GRID2: variants seen among roughly 807,000 people sequenced by gnomAD.
GRID2 encodes the protein glutamate ionotropic receptor delta type subunit 2.
A neutral mutation model predicts 114.8 loss-of-function variants in GRID2; 33 were observed. The observed-to-expected ratio is 0.29, with a 90% confidence interval of 0.22 to 0.38. The LOEUF (loss-of-function observed/expected upper bound fraction) is 0.38, where lower values mean the gene tolerates loss of function less well. GRID2 is among the 10% of genes least tolerant of loss of function. The pLI, the probability that GRID2 is intolerant of heterozygous loss-of-function variation, is 1.00. For synonymous variants in GRID2, 505 were observed against 449.9 expected (o/e 1.12, Z -1.55); for missense variants, 1,184 against 1,257.7 (o/e 0.94, Z 0.89).
chr4:92,957,854 A>G (rs568022852), intron 2 of GRID2, among the ~76,000 whole-genome samples: 11 of 152,092 alleles, frequency 7.2e-5, no homozygotes, highest in African/African-American at 2.6e-4. Context: ...TTTTCCTCAT[A>G]TAGATTCTGT....
chr4:92,868,620 C>T (rs1745067122), intron 2 of GRID2, among the ~76,000 whole-genome samples: 1 of 151,904 alleles, frequency 6.6e-6, no homozygotes, highest in Non-Finnish European at 1.5e-5. Context: ...TAAATTGTGC[C>T]ATCTTTATAG....
At chr4:92,581,103 A>G (rs1474184655) in intron 1 of GRID2, among the ~76,000 whole-genome samples, 1 of 151,866 alleles carries the variant, frequency 6.6e-6, no homozygotes, top group Admixed American at 6.6e-5. Flanking sequence ...CGGATTCAGT[A>G]AGAAGAGATG....
chr4:93,333,139 A>G (rs969111107), intron 8 of GRID2, among the ~76,000 whole-genome samples: 3 of 151,962 alleles, frequency 2.0e-5, no homozygotes, highest in Admixed American at 1.3e-4. Flanking sequence ...CTGTCCCTTT[A>G]GGAAAGTAAA....
At chr4:93,253,438 A>C (rs1749208835) in intron 8 of GRID2, among the ~76,000 whole-genome samples, 1 of 152,140 alleles carries the variant, frequency 6.6e-6, no homozygotes, top group African/African-American at 2.4e-5. Flanking sequence ...GATCGTTTTA[A>C]ATAAAATTTA....
chr4:92,624,420 A>G (rs1730422294), intron 2 of GRID2, among the ~76,000 whole-genome samples: 1 of 151,864 alleles, frequency 6.6e-6, no homozygotes, highest in Non-Finnish European at 1.5e-5. Context: ...AAATAGTATA[A>G]GATTCTGTTT....
At chr4:93,436,969 T>C (rs1721144849) in intron 10 of GRID2, among the ~76,000 whole-genome samples, 1 of 152,170 alleles carries the variant, frequency 6.6e-6, no homozygotes, top group Non-Finnish European at 1.5e-5. Context: ...CAAAATAATG[T>C]AAATGTGTTA....
At chr4:92,962,038 C>T (rs1002919262) in intron 2 of GRID2, among the ~76,000 whole-genome samples, 6 of 151,822 alleles carry the variant, frequency 4.0e-5, no homozygotes, top group African/African-American at 1.5e-4. Flanking sequence ...GAATTTCCGT[C>T]TCTCTGCCTA....
chr4:93,041,514 C>T (rs530907650), intron 2 of GRID2, among the ~76,000 whole-genome samples: 4 of 152,204 alleles, frequency 2.6e-5, no homozygotes, highest in Admixed American at 6.5e-5. Context: ...TGTAGTTAAA[C>T]TCATATGAGG....
intron 2 of GRID2, among the ~76,000 whole-genome samples, chr4:92,597,223 C>G (rs913619692): frequency 7.9e-5 from 12 of 152,026 alleles, no homozygotes; most frequent in African/African-American, 2.9e-4. Context: ...TATATTCTTT[C>G]TTAAAGAAGG....
intron 10 of GRID2, among the ~76,000 whole-genome samples, chr4:93,429,938 T>C (rs1045150889): frequency 6.6e-6 from 1 of 152,132 alleles, no homozygotes; most frequent in African/African-American, 2.4e-5. Flanking sequence ...TAAGATACTA[T>C]TTAGTAATTA....
chr4:92,723,871 T>A (rs1391135818), intron 2 of GRID2, among the ~76,000 whole-genome samples: 1 of 152,198 alleles, frequency 6.6e-6, no homozygotes, highest in Non-Finnish European at 1.5e-5. Context: ...TTACCTCTTG[T>A]TTGTAAATAT....
chr4:93,342,766 T>C (rs1759795859), intron 8 of GRID2, among the ~76,000 whole-genome samples: 1 of 152,210 alleles, frequency 6.6e-6, no homozygotes, highest in African/African-American at 2.4e-5. Context: ...TTGCAAATTA[T>C]TATGTTTCCT....
chr4:93,054,350 A>T (rs1438693317), intron 2 of GRID2, among the ~76,000 whole-genome samples: 1 of 151,376 alleles, frequency 6.6e-6, no homozygotes. Context: ...ATATTATTGT[A>T]ATATTGTTTA....
chr4:92,710,625 G>A (rs997354527), intron 2 of GRID2, among the ~76,000 whole-genome samples: 4 of 152,078 alleles, frequency 2.6e-5, no homozygotes, highest in African/African-American at 4.8e-5. Context: ...AATGGCTTTC[G>A]TATGTTTGAA....
rs568299301 is a variant in GRID2, at chr4:93,136,351, C to G, written c.735+25398C>G. Among the ~76,000 whole-genome samples, 12 of 151,766 alleles carry G rather than the reference C, an allele frequency of 7.9e-5. No individual in the cohort carries two copies. In the East Asian group the frequency reaches 9.7e-4, roughly 12 times the overall value. On this transcript the variant is annotated intron_variant, in intron 4 of 15. Coordinates refer to ENST00000282020, the MANE Select transcript of GRID2 (RefSeq NM_001510.4). ...CTTGCTTTAATGGTAAGACAGTGGACTTTCTAGTAGTGATACTGTTATTCT... is the reference window on the plus strand; with the variant it reads ...CTTGCTTTAATGGTAAGACAGTGGAGTTTCTAGTAGTGATACTGTTATTCT...
intron 2 of GRID2, among the ~76,000 whole-genome samples, chr4:93,036,667 C>G (rs1724964382): frequency 1.3e-5 from 2 of 152,044 alleles, no homozygotes; most frequent in South Asian, 4.1e-4. Context: ...TCACCAAAAT[C>G]AAGTGTAATT....
At chr4:92,895,645 A>G (rs1747112163) in intron 2 of GRID2, among the ~76,000 whole-genome samples, 1 of 151,976 alleles carries the variant, frequency 6.6e-6, no homozygotes, top group Non-Finnish European at 1.5e-5. Flanking sequence ...TAGTTTATAA[A>G]GACTCTCATA....
chr4:92,556,831 T>C (rs1726872616), intron 1 of GRID2, among the ~76,000 whole-genome samples: 1 of 152,110 alleles, frequency 6.6e-6, no homozygotes, highest in Admixed American at 6.6e-5. Flanking sequence ...ATTTGCCATA[T>C]TCTAATTATT....
At chr4:93,164,771 T>C (rs1212752453) in intron 4 of GRID2, 1 of 419,434 alleles carries the variant, frequency 2.4e-6, no homozygotes, top group African/African-American at 2.0e-5. Flanking sequence ...GGAAAGAATG[T>C]GAGTGATTTT....
Sources: gnomAD v4.1 joint callset for allele counts (sites outside exome capture counted in the v4.1 genomes callset) on GRCh38, gnomAD v4.1.1 for gene constraint, MANE v1.5 for transcripts, NCBI Gene and HGNC (gene_info 2026-07-23, HGNC 2026-07-21) for gene names.